Variants in MYO3A observed in about 807,000 individuals in gnomAD.
MYO3A encodes the protein myosin-IIIa.
MYO3A carries 180 observed loss-of-function variants against 192.7 expected under a neutral mutation model. The ratio of observed to expected loss-of-function variants is 0.93; its 90% CI spans 0.83 to 1.06. The LOEUF (loss-of-function observed/expected upper bound fraction) is 1.06. MYO3A is among the 50% of genes least tolerant of loss of function. MYO3A has a pLI of 0.00. For missense variants in MYO3A, 1,896 were observed against 1,905.0 expected, an observed-to-expected ratio of 1.00 and a Z score of 0.09; for synonymous variants, 628 against 645.3, an observed-to-expected ratio of 0.97 and a Z score of 0.41.
chr10:26,084,140 T>TA (rs1836153978), intron 14 of MYO3A, among the ~76,000 whole-genome samples: 1 of 152,140 alleles, frequency 6.6e-6, no homozygotes, highest in African/African-American at 2.4e-5. Flanking sequence ...CTTTTAAAAT[T>TA]AAAAAAAGAA....
chr10:25,992,163 A>G (rs1197255888), intron 4 of MYO3A, among the ~76,000 whole-genome samples: 9 of 152,194 alleles, frequency 5.9e-5, no homozygotes, highest in Admixed American at 5.9e-4. Flanking sequence ...ATGGTCTTCC[A>G]TTTGTTTGCG....
At chr10:26,110,296 AAGG>A (rs1243861958) in intron 17 of MYO3A, among the ~76,000 whole-genome samples, 1 of 152,164 alleles carries the variant, frequency 6.6e-6, no homozygotes, top group Admixed American at 6.6e-5. Flanking sequence ...CTAGGTCAGA[AAGG>A]AGATGAATGA....
chr10:26,068,820 T>TAC lies in MYO3A; in HGVS notation c.1106_1107insAC (p.Tyr370ProfsTer45). The TAC allele has an allele frequency of 1.2e-6, 2 of 1,600,048 alleles. No homozygotes were observed. Among genetic ancestry groups the TAC allele is most frequent in the Non-Finnish European group, 1.7e-6 (2 of 1,167,386 alleles). The stretch of plus-strand genomic sequence containing the variant: ...TGTTATTCCAGAGATCAGATCTACG[T>TAC]CTATGTGGGAGACATACTCATTGCT... On this transcript the variant is annotated frameshift_variant, in exon 12 of 35. Transcript: ENST00000642920. LOFTEE classifies it high-confidence loss of function.
chr10:26,016,679 A>T, intron 6 of MYO3A, 141 bp from the exon 7 acceptor site: 2 of 787,792 alleles, frequency 2.5e-6, no homozygotes, highest in Non-Finnish European at 2.2e-6. Context: ...CTGATTTAGG[A>T]TCCTTTAATG....
rs752475371 is a variant in MYO3A at position 26,089,044 on chromosome 10, CATTATT to C, written c.1562+640_1562+645del. Among the ~76,000 whole-genome samples, 12 of 152,228 alleles carry C rather than the reference CATTATT, an allele frequency of 7.9e-5. No individual in the cohort carries two copies. The South Asian group carries it at 8.3e-4, about 11-fold the overall frequency. On this transcript the variant is annotated intron_variant, in intron 15 of 34. Transcript: ENST00000642920. The stretch of plus-strand genomic sequence containing the variant: ...CATTGGATTTGTACCCTGGTGGTTA[CATTATT>C]TTGCTTAAAAGCATGGCAAGTTAGA...
intron 31 of MYO3A, among the ~76,000 whole-genome samples, chr10:26,183,756 C>T (rs1842730788): frequency 6.6e-6 from 1 of 152,038 alleles, no homozygotes; most frequent in Admixed American, 6.6e-5. Context: ...TGGCAGTTGC[C>T]TCTTGAGAAG....
rs180836293 is a variant in MYO3A at position 26,134,763 on chromosome 10, C to T, written c.2262+6225C>T. On this transcript the variant is annotated intron_variant, in intron 20 of 34. Coordinates refer to ENST00000642920, the MANE Select transcript of MYO3A (RefSeq NM_017433.5). ...CTTAAAGAAATCTTAGATTTTCAAC[C>T]TTTAAAATCTTTCTGTTTGATAAAG... Among the ~76,000 whole-genome samples, 70 of 152,132 alleles carry T rather than the reference C, an allele frequency of 4.6e-4. 1 individual carries two copies. The highest frequency in any genetic ancestry group is 1.7e-3 in the African/African-American group (70 of 41,524).
intron 6 of MYO3A, among the ~76,000 whole-genome samples, chr10:26,016,032 T>A (rs1841963107): frequency 6.6e-6 from 1 of 151,970 alleles, no homozygotes; most frequent in Admixed American, 6.6e-5. Flanking sequence ...CAGAGCAAGG[T>A]GAAGGGTAGG....
intron 6 of MYO3A, among the ~76,000 whole-genome samples, chr10:25,999,916 G>T (rs11014893): frequency 0.095 from 14,472 of 152,034 alleles, 1,221 homozygotes; most frequent in African/African-American, 0.22. Flanking sequence ...GTTAGATATC[G>T]CCAAATTCCA....
chr10:26,112,446 A>C (rs140597360), intron 17 of MYO3A, among the ~76,000 whole-genome samples: 3 of 152,142 alleles, frequency 2.0e-5, no homozygotes, highest in Non-Finnish European at 4.4e-5. Context: ...GCTTTCTTGG[A>C]TATGTTGTTT....
At chr10:25,981,271 A>G (rs187193564) in intron 4 of MYO3A, among the ~76,000 whole-genome samples, 1 of 152,328 alleles carries the variant, frequency 6.6e-6, no homozygotes, top group African/African-American at 2.4e-5. Context: ...TATACCAACC[A>G]TACCATACAT....
intron 17 of MYO3A, among the ~76,000 whole-genome samples, chr10:26,098,609 C>T (rs1253390892): frequency 1.3e-5 from 2 of 152,176 alleles, no homozygotes; most frequent in Non-Finnish European, 2.9e-5. Flanking sequence ...GGAAGGGATC[C>T]AGTTTCAACT....
At chr10:25,967,541 A>G (rs1296542022) in intron 4 of MYO3A, among the ~76,000 whole-genome samples, 1 of 152,216 alleles carries the variant, frequency 6.6e-6, no homozygotes, top group Non-Finnish European at 1.5e-5. Flanking sequence ...ATGTAACACT[A>G]AGAATATCCA....
intron 2 of MYO3A, among the ~76,000 whole-genome samples, chr10:25,938,075 G>A (rs1249045204): frequency 6.6e-6 from 1 of 152,140 alleles, no homozygotes; most frequent in African/African-American, 2.4e-5. Flanking sequence ...TTAATTTTTT[G>A]TAGGTTTCTT....
chr10:26,052,429 A>C (rs1844058553), intron 10 of MYO3A, among the ~76,000 whole-genome samples: 1 of 152,180 alleles, frequency 6.6e-6, no homozygotes, highest in Non-Finnish European at 1.5e-5. Context: ...ATCCAGTGCT[A>C]TGGCTCACCA....
chr10:26,182,167 C>G (rs1045394334), intron 31 of MYO3A, among the ~76,000 whole-genome samples: 1 of 152,178 alleles, frequency 6.6e-6, no homozygotes, highest in Non-Finnish European at 1.5e-5. Flanking sequence ...ATGGTCATCT[C>G]CAGTATAGCG....
At position 25,965,663 on chromosome 10, in the gene MYO3A, T is replaced by C. The variant is rs1462808029; in HGVS notation, c.303+10655T>C. Among the ~76,000 whole-genome samples the C allele has an allele frequency of 2.6e-5, 4 of 152,158 alleles. No individual in the cohort carries two copies. In the South Asian group the frequency reaches 6.2e-4, roughly 24 times the overall value. ...AGATTGCTTTTCAAGTTTACTTGAATATATAGAGTGCAAACCTGCAAACCT... is the reference window on the plus strand; with the variant it reads ...AGATTGCTTTTCAAGTTTACTTGAACATATAGAGTGCAAACCTGCAAACCT... On this transcript the variant is annotated intron_variant, in intron 4 of 34. Coordinates refer to ENST00000642920, the MANE Select transcript of MYO3A (RefSeq NM_017433.5).
intron 14 of MYO3A, among the ~76,000 whole-genome samples, chr10:26,080,314 T>A (rs988463843): frequency 2.0e-5 from 3 of 152,272 alleles, no homozygotes; most frequent in East Asian, 1.9e-4. Flanking sequence ...GTTCAATTAT[T>A]TTGCTGAGAC....
intron 17 of MYO3A, among the ~76,000 whole-genome samples, chr10:26,110,380 ATT>A (rs1838090692): frequency 6.6e-6 from 1 of 152,124 alleles, no homozygotes; most frequent in South Asian, 2.1e-4. Flanking sequence ...TGTTTAATGC[ATT>A]TTCTCTGAGG....
Sources: gnomAD v4.1 joint callset for allele counts (sites outside exome capture counted in the v4.1 genomes callset) on GRCh38, gnomAD v4.1.1 for gene constraint, MANE v1.5 for transcripts, NCBI Gene and HGNC (gene_info 2026-07-23, HGNC 2026-07-21) for gene names.